Variants in RAD51AP2 observed in about 807,000 individuals in gnomAD.
The protein encoded by RAD51AP2 is RAD51 associated protein 2.
A neutral mutation model predicts 85.5 loss-of-function variants in RAD51AP2; 67 were observed. The ratio of observed to expected loss-of-function variants is 0.78; its 90% CI spans 0.64 to 0.96. The LOEUF (loss-of-function observed/expected upper bound fraction) is 0.96. Ranked by LOEUF, RAD51AP2 falls within the 40% of genes least tolerant of loss-of-function variation. RAD51AP2 has a pLI of 0.00. For synonymous variants in RAD51AP2, 474 were observed against 446.5 expected, an observed-to-expected ratio of 1.06 and a Z score of -0.78; for missense variants, 1,307 against 1,332.4, an observed-to-expected ratio of 0.98 and a Z score of 0.30.
At chr2:17,512,644 C>T (rs17380163) in intron 2 of RAD51AP2, among the ~76,000 whole-genome samples, 4,485 of 152,278 alleles carry the variant, frequency 0.029, 67 homozygotes, top group Middle Eastern at 0.054. Context: ...TGAGGATATA[C>T]TCCTAATCTT....
chr2:17,516,752 A>T lies in RAD51AP2; in HGVS notation c.1664T>A (p.Met555Lys), dbSNP rs376189678. 4.4e-4 allele frequency: 687 copies of T among 1,568,708 alleles called. No individual in the cohort carries two copies. The highest frequency in any genetic ancestry group is 1.0e-3 in the Middle Eastern group (6 of 5,814). ...AATTCCATTCTTTATATTTGTATTC[A>T]TGTTTCTGGTTATTAGATTTTGAAT... is the stretch of plus-strand genomic sequence containing the variant. Reference protein sequence around the residue: ...IGIQNLITRNMNTNIKNGILS... With the variant: ...IGIQNLITRNKNTNIKNGILS... Residue 555 changes from methionine (M) to lysine (K), a missense_variant, in exon 1 of 3, where the codon ATG becomes AAG. By Grantham distance (95) the Met-to-Lys change is moderately conservative. Around this residue, in one of 3 missense-constraint regions of RAD51AP2, gnomAD observed 635 missense variants for 643.6 expected, o/e 0.99. Coordinates refer to ENST00000399080, the MANE Select transcript of RAD51AP2 (RefSeq NM_001099218.3).
chr2:17,521,425 C>A (rs758364027), upstream of RAD51AP2, among the ~76,000 whole-genome samples: 4 of 151,904 alleles, frequency 2.6e-5, no homozygotes, highest in Non-Finnish European at 4.4e-5. Flanking sequence ...TTTAATAAAT[C>A]ATGTAAGAAG....
intron 2 of RAD51AP2, among the ~76,000 whole-genome samples, chr2:17,511,182 T>C (rs1355958751): frequency 2.0e-5 from 3 of 152,162 alleles, no homozygotes; most frequent in Admixed American, 2.0e-4. Context: ...CCATAAAATA[T>C]AGCAACTAAA....
chr2:17,511,323 T>G (rs1428900798), intron 2 of RAD51AP2, among the ~76,000 whole-genome samples: 1 of 152,192 alleles, frequency 6.6e-6, no homozygotes, highest in African/African-American at 2.4e-5. Flanking sequence ...TAAACAACTA[T>G]GCTGTATGGT....
chr2:17,510,798 T>C lies in RAD51AP2; in HGVS notation c.*6A>G, dbSNP rs377064432. On this transcript the variant is annotated 3_prime_UTR_variant, in exon 3 of 3. Coordinates refer to ENST00000399080, the MANE Select transcript of RAD51AP2 (RefSeq NM_001099218.3). ...AGATGTTGTAAAATGTTTTGAAATA[T>C]GAAAGTCAAAAATTTTCTTTTAAGT... 27 of 1,542,506 alleles carry C rather than the reference T, an allele frequency of 1.8e-5. No individual in the cohort carries two copies. The highest frequency in any genetic ancestry group is 2.4e-5 in the Non-Finnish European group (27 of 1,134,172).
upstream of RAD51AP2, among the ~76,000 whole-genome samples, chr2:17,522,154 C>T (rs1467112206): frequency 2.6e-5 from 4 of 151,884 alleles, no homozygotes; most frequent in Non-Finnish European, 5.9e-5. Flanking sequence ...ACCTTTGATG[C>T]CCTTCAGAAT....
chr2:17,526,060 TATG>T, the RAD51AP2 span, among the ~76,000 whole-genome samples: 4 of 151,786 alleles, frequency 2.6e-5, no homozygotes, highest in Non-Finnish European at 4.4e-5. Flanking sequence ...CCATGCTAAT[TATG>T]ATATTATATA....
At chr2:17,524,117 A>G in the RAD51AP2 span, among the ~76,000 whole-genome samples, 2 of 151,930 alleles carry the variant, frequency 1.3e-5, no homozygotes, top group East Asian at 3.8e-4. Context: ...GCTGTTCACA[A>G]CTTTGTCCTA....
At position 17,517,766 on chromosome 2, in the gene RAD51AP2, A is replaced by G. The variant is rs1354893372; in HGVS notation, c.650T>C (p.Val217Ala). ...ATTTTCTCTTTTATTTGATGGCACA[A>G]CACTGTTAGCTTTACATCTGTTCTT... ...EIKNRCKANSVVPSNKRENNI... is the reference protein window; with the variant it reads ...EIKNRCKANSAVPSNKRENNI... The change falls in exon 1 of 3, where the codon GTT (valine) becomes GCT (alanine). Residue 217 changes from valine (V) to alanine (A), a missense_variant. Physicochemically the swap from Val to Ala is moderately conservative, Grantham distance 64. Around this residue, in one of 3 missense-constraint regions of RAD51AP2, gnomAD observed 635 missense variants for 643.6 expected, o/e 0.99. Transcript: ENST00000399080. The G allele has an allele frequency of 2.5e-6, 4 of 1,613,846 alleles. No homozygotes were observed. Among genetic ancestry groups the G allele is most frequent in the African/African-American group, 2.7e-5 (2 of 74,932 alleles).
chr2:17,524,515 C>G, the RAD51AP2 span, among the ~76,000 whole-genome samples: 9 of 151,952 alleles, frequency 5.9e-5, no homozygotes, highest in Non-Finnish European at 1.0e-4. Flanking sequence ...TATATTCATT[C>G]ATTTAATTCC....
the RAD51AP2 span, among the ~76,000 whole-genome samples, chr2:17,534,153 T>C: frequency 2.6e-5 from 4 of 152,214 alleles, no homozygotes; most frequent in Middle Eastern, 3.2e-3. Flanking sequence ...TTAGTAAGTA[T>C]ATAATTTTTA....
rs757367160 is a variant in RAD51AP2 at position 17,515,973 on chromosome 2, G to C, written c.2443C>G (p.Leu815Val). 1.4e-5 allele frequency: 23 copies of C among 1,610,844 alleles called. No homozygotes were observed. In the East Asian group the frequency reaches 4.9e-4, roughly 34 times the overall value. The change falls in exon 1 of 3, where the codon CTA (leucine) becomes GTA (valine). Residue 815 changes from leucine to valine, a missense_variant. Leu to Val is a conservative substitution (Grantham distance 32). This residue lies in a region of RAD51AP2 where 668 missense variants were observed against 671.0 expected (regional missense o/e 1.00). Coordinates refer to ENST00000399080, the MANE Select transcript of RAD51AP2 (RefSeq NM_001099218.3). Reference sequence around the variant, plus strand: ...TCACTTAGCAAGTTCCAAAAATTTAGTACTTGAGTTATAGAAGTGGTATGG... The same window carrying C: ...TCACTTAGCAAGTTCCAAAAATTTACTACTTGAGTTATAGAAGTGGTATGG... ...ETHTTSITQV[L>V]NFWNLLSEIE...
chr2:17,517,076 T>G lies in RAD51AP2; in HGVS notation c.1340A>C (p.His447Pro). The G allele has an allele frequency of 6.2e-7, 1 of 1,612,944 alleles. No homozygotes were observed. The highest frequency in any genetic ancestry group is 1.7e-5 in the Admixed American group (1 of 59,872). The change falls in exon 1 of 3, where the codon CAC (histidine) becomes CCC (proline). Residue 447 changes from histidine (H) to proline (P), a missense_variant. Transcript: ENST00000399080. ...EIDLLSKEDYHCAKVINAYEE... is the reference protein window; with the variant it reads ...EIDLLSKEDYPCAKVINAYEE... ...ATATGCATTGATGACTTTTGCACAG[T>G]GGTAATCTTCCTTGCTTAAAAGGTC...
the RAD51AP2 span, among the ~76,000 whole-genome samples, chr2:17,525,330 G>A: frequency 6.6e-6 from 1 of 151,940 alleles, no homozygotes; most frequent in Non-Finnish European, 1.5e-5. Context: ...GAAAGAAAAT[G>A]TGACCAAGGC....
In RAD51AP2 at chr2:17,516,910, C is replaced by T. The variant is rs1662695370; in HGVS notation, c.1506G>A (p.Val502=). The change falls in exon 1 of 3, where the codon GTG becomes GTA. Residue 502 remains valine, a synonymous_variant. Transcript: ENST00000399080. ...TAATGAAACTTTCAAAAGGGTTGTT[C>T]ACATGAAAGACTTTTTGTGTAGTAT... ...RYNTTQKVFH[V]NNPFESFIIE... is the part of the protein sequence containing the mutation. The T allele has an allele frequency of 1.3e-6, 2 of 1,591,318 alleles. No individual in the cohort carries two copies. The highest frequency in any genetic ancestry group is 1.7e-6 in the Non-Finnish European group (2 of 1,170,554).
chr2:17,515,645 G>A lies in RAD51AP2; in HGVS notation c.2771C>T (p.Ala924Val). 6.2e-7 allele frequency: 1 copy of A among 1,612,684 alleles called. No individual in the cohort carries two copies. Among genetic ancestry groups the A allele is most frequent in the Non-Finnish European group, 8.5e-7 (1 of 1,179,470 alleles). ...SKDFHRKNDSALYINHQFETG... is the reference protein window; with the variant it reads ...SKDFHRKNDSVLYINHQFETG... The stretch of plus-strand genomic sequence containing the variant: ...TTCAAATTGATGATTAATATATAAT[G>A]CAGAGTCATTCTTTCTGTGAAAATC... The change falls in exon 1 of 3, where the codon GCA becomes GTA. Residue 924 changes from alanine (A) to valine (V), a missense_variant. Transcript: ENST00000399080.
At chr2:17,528,776 G>A in the RAD51AP2 span, among the ~76,000 whole-genome samples, 3 of 152,132 alleles carry the variant, frequency 2.0e-5, no homozygotes, top group East Asian at 1.9e-4. Context: ...GGGAGAGGTC[G>A]GAGGATGTAG....
intron 2 of RAD51AP2, 105 bp downstream of exon 2, chr2:17,513,907 G>C (rs1250122930): frequency 4.5e-6 from 3 of 669,028 alleles, no homozygotes; most frequent in Admixed American, 5.9e-5. Context: ...CTAAAACTTT[G>C]TATTTATTTT....
chr2:17,528,704 A>G, the RAD51AP2 span, among the ~76,000 whole-genome samples: 1 of 152,126 alleles, frequency 6.6e-6, no homozygotes, highest in Non-Finnish European at 1.5e-5. Flanking sequence ...TTAGCCTGGC[A>G]TGGTGGCACG....
Sources: allele counts gnomAD v4.1 joint callset (sites outside exome capture counted in the v4.1 genomes callset), GRCh38; gene constraint gnomAD v4.1.1; regional missense constraint gnomAD v4.1.1; transcripts MANE v1.5; gene names NCBI Gene and HGNC (gene_info 2026-07-23, HGNC 2026-07-21).